The following COL28A1 variants were observed in gnomAD, a reference collection of about 807,000 sequenced individuals.
The protein encoded by COL28A1 is collagen type XXVIII alpha 1 chain.
COL28A1 carries 161 observed loss-of-function variants against 150.2 expected under a neutral mutation model. That is an observed-to-expected ratio of 1.07 (90% CI 0.94 to 1.22). COL28A1 has a LOEUF of 1.22. Among genes scored for constraint, COL28A1 ranks in the 50% most tolerant of loss-of-function variants. The probability of loss-of-function intolerance (pLI) is 0.00; values close to 1 mark genes in which losing one functional copy is unlikely to be tolerated. For missense variants in COL28A1, 1,617 were observed against 1,388.3 expected, an observed-to-expected ratio of 1.16 and a Z score of -2.62; for synonymous variants, 552 against 469.7, an observed-to-expected ratio of 1.18 and a Z score of -2.26.
chr7:7,523,020 A>T lies in COL28A1; in HGVS notation c.703-1059T>A, dbSNP rs370421086. On this transcript the variant is annotated intron_variant, in intron 4 of 34. Transcript: ENST00000399429. ...TTTGCTTACATATTCCCTTATATGT[A>T]TATATGAAAGTGATACAGGATTTTA... Among the ~76,000 whole-genome samples the T allele has an allele frequency of 1.2e-4, 19 of 152,210 alleles. No homozygotes were observed. In the East Asian group the frequency reaches 2.1e-3, roughly 17 times the overall value.
At chr7:7,386,946 G>A (rs982808016) in intron 27 of COL28A1, among the ~76,000 whole-genome samples, 1 of 152,150 alleles carries the variant, frequency 6.6e-6, no homozygotes, top group Non-Finnish European at 1.5e-5. Context: ...CCATTTCCTG[G>A]TTCATAGGTG....
At chr7:7,444,630 G>C in intron 18 of COL28A1, 141 bp from the exon 19 acceptor site, 1 of 774,388 alleles carries the variant, frequency 1.3e-6, no homozygotes, top group Non-Finnish European at 2.0e-6. Context: ...TTTGATCTTG[G>C]GAAGCTACTT....
At chr7:7,533,285 A>G (rs1782471428) in intron 1 of COL28A1, among the ~76,000 whole-genome samples, 2 of 152,050 alleles carry the variant, frequency 1.3e-5, no homozygotes, top group African/African-American at 2.4e-5. Flanking sequence ...CTTCAGGGGG[A>G]ATTCAGATTG....
chr7:7,376,741 T>G (rs892533528), intron 30 of COL28A1, among the ~76,000 whole-genome samples: 2 of 148,720 alleles, frequency 1.3e-5, no homozygotes, highest in South Asian at 4.3e-4. Context: ...CACCAAGTTT[T>G]ATGGTTATAA....
intron 16 of COL28A1, among the ~76,000 whole-genome samples, chr7:7,453,775 TAG>T (rs1335888793): frequency 6.7e-6 from 1 of 149,328 alleles, no homozygotes; most frequent in Non-Finnish European, 1.5e-5. Flanking sequence ...CCATGTGGGC[TAG>T]ATTCTAGCCA....
chr7:7,431,614 A>C (rs1784981245), intron 25 of COL28A1: 2 of 471,076 alleles, frequency 4.2e-6, no homozygotes, highest in African/African-American at 4.0e-5. Context: ...CGGGGCATGA[A>C]GGATCTTCAA....
chr7:7,344,815 C>A, the COL28A1 span, among the ~76,000 whole-genome samples: 1 of 152,100 alleles, frequency 6.6e-6, no homozygotes, highest in South Asian at 2.1e-4. Context: ...CATTAAACTG[C>A]TGCAATCTGC....
In COL28A1 at chr7:7,358,719, C is replaced by G; in HGVS notation, c.3292G>C (p.Ala1098Pro). ...TTACAGCCACTGAACCAAAATCGGG[C>G]ACAAGAGTTGACCTGTTTGTCATAA... ...WYYDKQVNSC[A>P]RFWFSGCNGS... The change falls in exon 35 of 35, where the codon GCC (alanine) becomes CCC (proline). Residue 1098 changes from alanine to proline, a missense_variant. Transcript: ENST00000399429. The G allele has an allele frequency of 1.2e-6, 2 of 1,613,996 alleles. No homozygotes were observed. The highest frequency in any genetic ancestry group is 1.7e-6 in the Non-Finnish European group (2 of 1,179,946).
intron 5 of COL28A1, 95 bp from the exon 6 acceptor site, chr7:7,520,210 A>T (rs1583559433): frequency 3.1e-6 from 2 of 642,708 alleles, no homozygotes; most frequent in East Asian, 5.9e-5. Flanking sequence ...TCCTAGAATG[A>T]GGGAGAATTG....
chr7:7,395,555 T>C (rs1782789133), intron 27 of COL28A1, among the ~76,000 whole-genome samples: 1 of 152,224 alleles, frequency 6.6e-6, no homozygotes, highest in South Asian at 2.1e-4. Flanking sequence ...TCCTGTGTGA[T>C]AAATCAGAGA....
At chr7:7,436,344 C>T (rs766226782) in intron 23 of COL28A1, 51 bp downstream of exon 23, 2 of 905,940 alleles carry the variant, frequency 2.2e-6, no homozygotes, top group Non-Finnish European at 3.7e-6. Flanking sequence ...TTAAATCTAC[C>T]TTCATTTATT....
In COL28A1 at chr7:7,460,339, G is replaced by C. The variant is rs141698778; in HGVS notation, c.1303-4227C>G. 4.7e-3 allele frequency among the ~76,000 whole-genome samples: 708 copies of C among 151,948 alleles called. 5 individuals carry two copies. Among genetic ancestry groups the C allele is most frequent in the East Asian group, 0.022 (115 of 5,170 alleles). On this transcript the variant is annotated intron_variant, in intron 15 of 34. Coordinates refer to ENST00000399429, the MANE Select transcript of COL28A1 (RefSeq NM_001037763.3). ...GATAATATTTTTGAGTGGGAGCCTA[G>C]GGATGGATATACACTTCTATAAGAA... is the stretch of plus-strand genomic sequence containing the variant.
In COL28A1 at chr7:7,443,673, T is replaced by A. The variant is rs1785993956; in HGVS notation, c.1582-20A>T. 6.2e-7 allele frequency: 1 copy of A among 1,613,878 alleles called. No homozygotes were observed. The highest frequency in any genetic ancestry group is 2.2e-5 in the East Asian group (1 of 44,870). ...TTCTCCCTAGAGAAAATGACACTGA[T>A]GTGTTAGCTGACCCTCCAGTAGACA... On this transcript the variant is annotated intron_variant, in intron 19 of 34. Transcript: ENST00000399429.
chr7:7,455,069 C>T (rs1300042461), intron 16 of COL28A1, among the ~76,000 whole-genome samples: 1 of 152,166 alleles, frequency 6.6e-6, no homozygotes, highest in Non-Finnish European at 1.5e-5. Context: ...CAAAGTAAAT[C>T]TCAACAATGA....
chr7:7,484,121 T>C (rs752959044), intron 13 of COL28A1, among the ~76,000 whole-genome samples: 1 of 152,134 alleles, frequency 6.6e-6, no homozygotes, highest in Non-Finnish European at 1.5e-5. Flanking sequence ...TCTGAAAAAG[T>C]ATATGTGAAA....
chr7:7,440,546 G>A (rs7789255), intron 21 of COL28A1, among the ~76,000 whole-genome samples: 15,025 of 152,206 alleles, frequency 0.099, 906 homozygotes, highest in Middle Eastern at 0.21. Flanking sequence ...TTACTAGAGA[G>A]GACTGACAGA....
upstream of COL28A1, among the ~76,000 whole-genome samples, chr7:7,538,141 A>G (rs991320168): frequency 5.3e-5 from 8 of 152,228 alleles, no homozygotes; most frequent in Admixed American, 6.5e-5. Flanking sequence ...AATTGGGAAG[A>G]TTATGCAAAA....
Position 7,370,471 on chromosome 7 carries a change from T to C in COL28A1, c.3066+254A>G, listed in dbSNP as rs76510128. ...ATGGTTACTTTGATGGTAATAGGAGTATAATATAAAAATATTATCAGCAAC... is the reference window on the plus strand; with the variant it reads ...ATGGTTACTTTGATGGTAATAGGAGCATAATATAAAAATATTATCAGCAAC... On this transcript the variant is annotated intron_variant, in intron 33 of 34. Coordinates refer to ENST00000399429, the MANE Select transcript of COL28A1 (RefSeq NM_001037763.3). 4.3e-3 allele frequency among the ~76,000 whole-genome samples: 648 copies of C among 152,246 alleles called. 5 individuals are homozygous for C. The highest frequency in any genetic ancestry group is 0.015 in the African/African-American group (624 of 41,522).
chr7:7,338,621 T>C, the COL28A1 span, among the ~76,000 whole-genome samples: 1 of 152,082 alleles, frequency 6.6e-6, no homozygotes, highest in African/African-American at 2.4e-5. Context: ...CTAGGTATCA[T>C]ATCTCAGTGA....
Sources: allele counts gnomAD v4.1 joint callset (sites outside exome capture counted in the v4.1 genomes callset), GRCh38; gene constraint gnomAD v4.1.1; transcripts MANE v1.5; gene names NCBI Gene and HGNC (gene_info 2026-07-23, HGNC 2026-07-21).